The following FAM156A variants were observed in gnomAD, a reference collection of about 807,000 sequenced individuals.
FAM156A encodes the protein protein FAM156A/FAM156B.
chrX:52,973,953 G>A (rs1398451635), intron 1 of FAM156A, among the ~76,000 whole-genome samples: 2 of 110,472 alleles, frequency 1.8e-5, no homozygotes, highest in Non-Finnish European at 3.8e-5. Context: ...CATGAGCCAC[G>A]GGGCCCGGCT....
chrX:52,991,489 A>G (rs1556795612), intron 1 of FAM156A, among the ~76,000 whole-genome samples: 1 of 111,409 alleles, frequency 9.0e-6, no homozygotes, highest in African/African-American at 3.3e-5. Flanking sequence ...ACCCTCACAG[A>G]CACACCCAGA....
At chrX:52,981,534 A>G (rs895293905) in intron 1 of FAM156A, among the ~76,000 whole-genome samples, 4 of 111,575 alleles carry the variant, frequency 3.6e-5, no homozygotes, top group Admixed American at 9.5e-5. Context: ...GTGGCTTCCC[A>G]CTGTGGGACT....
chrX:52,983,595 C>G (rs868992122), intron 1 of FAM156A, among the ~76,000 whole-genome samples: 1 of 111,750 alleles, frequency 8.9e-6, no homozygotes, highest in African/African-American at 3.3e-5. Flanking sequence ...ATAATTTTTT[C>G]CCTCCCACCT....
At chrX:52,980,365 G>A (rs1412013106) in intron 1 of FAM156A, among the ~76,000 whole-genome samples, 2 of 111,832 alleles carry the variant, frequency 1.8e-5, no homozygotes, top group East Asian at 2.8e-4. Flanking sequence ...AAAATCAAGC[G>A]GGAGATGTTG....
intron 1 of FAM156A, among the ~76,000 whole-genome samples, chrX:52,981,431 C>T (rs782671323): frequency 3.0e-4 from 33 of 111,587 alleles, no homozygotes; most frequent in African/African-American, 1.0e-3. Flanking sequence ...AGAAGGCACA[C>T]GTGGTACCCC....
intron 1 of FAM156A, among the ~76,000 whole-genome samples, chrX:52,987,648 A>G: frequency 1.0e-5 from 1 of 96,731 alleles, no homozygotes. Flanking sequence ...ACCCTGTCTC[A>G]AAAAAAAAAA....
intron 1 of FAM156A, among the ~76,000 whole-genome samples, chrX:52,984,614 T>C (rs1027121370): frequency 8.9e-6 from 1 of 111,803 alleles, no homozygotes; most frequent in African/African-American, 3.2e-5. Context: ...GCGCCTGTAA[T>C]CCCAGAACTT....
At chrX:52,994,376 C>T (rs1387680419) in intron 1 of FAM156A, among the ~76,000 whole-genome samples, 2 of 110,698 alleles carry the variant, frequency 1.8e-5, no homozygotes, top group African/African-American at 6.6e-5. Flanking sequence ...CCAAACCACT[C>T]AGACACCTCC....
intron 1 of FAM156A, among the ~76,000 whole-genome samples, chrX:52,990,652 C>T (rs1374226816): frequency 9.1e-6 from 1 of 109,881 alleles, no homozygotes; most frequent in Non-Finnish European, 1.9e-5. Flanking sequence ...TGCATGTTGG[C>T]GTGCACCTGT....
intron 1 of FAM156A, among the ~76,000 whole-genome samples, chrX:52,982,295 A>G (rs1929967370): frequency 9.0e-6 from 1 of 111,256 alleles, no homozygotes; most frequent in Non-Finnish European, 1.9e-5. Context: ...GTCTACTAAA[A>G]ATACAAAAAT....
At chrX:52,977,145 T>C (rs1363754486) in intron 1 of FAM156A, among the ~76,000 whole-genome samples, 1 of 107,547 alleles carries the variant, frequency 9.3e-6, no homozygotes, top group Non-Finnish European at 1.9e-5. Context: ...CGTATATATA[T>C]AAATGAAGAG....
chrX:52,977,105 C>CATAT (rs59645649), intron 1 of FAM156A, among the ~76,000 whole-genome samples: 999 of 97,558 alleles, frequency 0.01, 10 homozygotes, highest in African/African-American at 0.033. Context: ...CACACACACA[C>CATAT]ATATATATAT....
At chrX:52,983,725 G>A (rs1180219136) in intron 1 of FAM156A, among the ~76,000 whole-genome samples, 1 of 112,167 alleles carries the variant, frequency 8.9e-6, no homozygotes, top group African/African-American at 3.2e-5. Flanking sequence ...TGACCTGGCT[G>A]TGCTCCCACC....
At chrX:52,984,677 G>A (rs1183214280) in intron 1 of FAM156A, among the ~76,000 whole-genome samples, 1 of 111,441 alleles carries the variant, frequency 9.0e-6, no homozygotes, top group Non-Finnish European at 1.9e-5. Flanking sequence ...AGACCAGCCT[G>A]GCCAACAGGA....
intron 1 of FAM156A, among the ~76,000 whole-genome samples, chrX:52,977,440 G>T (rs1929568987): frequency 9.0e-6 from 1 of 110,947 alleles, no homozygotes. Context: ...GATCAAAAAT[G>T]AATTTACTTT....
At chrX:52,977,286 C>T (rs1929560083) in intron 1 of FAM156A, among the ~76,000 whole-genome samples, 1 of 108,951 alleles carries the variant, frequency 9.2e-6, no homozygotes, top group African/African-American at 3.4e-5. Flanking sequence ...AGACCTCTCT[C>T]CCTGCCCCGC....
intron 1 of FAM156A, among the ~76,000 whole-genome samples, chrX:52,976,452 A>G (rs181401232): frequency 1.8e-5 from 2 of 111,718 alleles, no homozygotes; most frequent in African/African-American, 6.5e-5. Context: ...TCAAAAAAAA[A>G]AATTATTAGA....
At position 52,981,604 on chromosome X, in the gene FAM156A, GAC is replaced by G. The variant is rs1929912455; in HGVS notation, c.-434+13700_-434+13701del. On this transcript the variant is annotated intron_variant, in intron 1 of 4. Transcript: ENST00000610625. The stretch of plus-strand genomic sequence containing the variant: ...TCATTTGTGTTCTTGGTTTCTGAGG[GAC>G]TGACAGAAGGCAGTCAGTCCAGGTT... Among the ~76,000 whole-genome samples the G allele has an allele frequency of 8.1e-5, 9 of 111,573 alleles. No individual in the cohort carries two copies. In the Admixed American group the frequency reaches 8.5e-4, roughly 11 times the overall value.
chrX:52,990,950 A>T (rs1930722174), intron 1 of FAM156A, among the ~76,000 whole-genome samples: 1 of 111,524 alleles, frequency 9.0e-6, no homozygotes, highest in Non-Finnish European at 1.9e-5. Context: ...ATGAGAATAC[A>T]GAAGGCCCTC....
Sources: gnomAD v4.1 joint callset for allele counts (sites outside exome capture counted in the v4.1 genomes callset) on GRCh38, gnomAD v4.1.1 for gene constraint, MANE v1.5 for transcripts, NCBI Gene and HGNC (gene_info 2026-07-23, HGNC 2026-07-21) for gene names.